The following FAM53B variants were observed in gnomAD, a reference collection of about 807,000 sequenced individuals.
FAM53B encodes family with sequence similarity 53 member B, also known as protein FAM53B.
Under a neutral mutation model 32.7 loss-of-function variants are expected in FAM53B, and 12 were observed. That is an observed-to-expected ratio of 0.37 (90% CI 0.24 to 0.59). The LOEUF (loss-of-function observed/expected upper bound fraction) is 0.59. Ranked by LOEUF, FAM53B falls within the 20% of genes least tolerant of loss-of-function variation. The pLI, the probability that FAM53B is intolerant of heterozygous loss-of-function variation, is 0.72. For synonymous variants in FAM53B, 234 were observed against 228.7 expected (o/e 1.02, Z -0.21); for missense variants, 477 against 577.7 (o/e 0.83, Z 1.79).
In FAM53B at chr10:124,733,313, C is replaced by G. The variant is rs1010973752; in HGVS notation, c.-175+10700G>C. ...CCACACAGTCAACGGGGCCTGGAAT[C>G]TGGGCTGGCATCTGAGGGCGGTGGA... On this transcript the variant is annotated intron_variant, in intron 1 of 4. Transcript: ENST00000337318. This position sits in a 1 kb window ranked among gnomAD's most constrained non-coding sequence, Gnocchi z 4.3. Among the ~76,000 whole-genome samples the G allele has an allele frequency of 6.6e-6, 1 of 152,188 alleles. No homozygotes were observed. The highest frequency in any genetic ancestry group is 1.5e-5 in the Non-Finnish European group (1 of 68,034).
intron 4 of FAM53B, among the ~76,000 whole-genome samples, chr10:124,664,014 G>C (rs917790673): frequency 6.6e-6 from 1 of 152,062 alleles, no homozygotes; most frequent in African/African-American, 2.4e-5. Context: ...CAGGCCCTGC[G>C]GTCAGTGCTG....
chr10:124,737,577 C>T (rs1053848450), intron 1 of FAM53B, among the ~76,000 whole-genome samples: 1 of 152,126 alleles, frequency 6.6e-6, no homozygotes, highest in African/African-American at 2.4e-5. Flanking sequence ...CAACTGGCTA[C>T]GGGACCCTGG....
At chr10:124,625,076 G>A (rs539798637) in intron 4 of FAM53B, among the ~76,000 whole-genome samples, 229 of 152,338 alleles carry the variant, frequency 1.5e-3, no homozygotes, top group African/African-American at 5.3e-3. Flanking sequence ...GACCTGTCCC[G>A]AGGGCCTGAT....
At chr10:124,697,195 T>C (rs925971223) in intron 2 of FAM53B, among the ~76,000 whole-genome samples, 5 of 152,090 alleles carry the variant, frequency 3.3e-5, no homozygotes, top group African/African-American at 1.2e-4. Flanking sequence ...CACGGGCTGG[T>C]GATTCTTCCT....
intron 4 of FAM53B, among the ~76,000 whole-genome samples, chr10:124,636,563 T>C (rs1387939437): frequency 6.6e-6 from 1 of 152,142 alleles, no homozygotes; most frequent in Admixed American, 6.5e-5. Flanking sequence ...TGTTTTGCTG[T>C]ACAGAGGTTC....
At chr10:124,718,681 C>T (rs1444511109) in intron 1 of FAM53B, among the ~76,000 whole-genome samples, 2 of 152,262 alleles carry the variant, frequency 1.3e-5, no homozygotes, top group Non-Finnish European at 1.5e-5. Context: ...GTAACAACAG[C>T]CATCTGTCTA....
At chr10:124,713,609 T>C (rs954907040) in intron 1 of FAM53B, 18 of 152,244 alleles carry the variant, frequency 1.2e-4, no homozygotes, top group African/African-American at 4.3e-4. Flanking sequence ...TCTACAATCC[T>C]ATATAAATCT....
chr10:124,738,683 A>G lies in FAM53B; in HGVS notation c.-175+5330T>C, dbSNP rs186555854. ...GTTCAGTCACACTGGAGGATATACA[A>G]TTGTGTTCAGTTACTTGATTACTTT... On this transcript the variant is annotated intron_variant, in intron 1 of 4. Transcript: ENST00000337318. Among the ~76,000 whole-genome samples the G allele has an allele frequency of 3.9e-3, 587 of 152,196 alleles. 6 individuals carry two copies. Among genetic ancestry groups the G allele is most frequent in the Non-Finnish European group, 6.8e-3 (465 of 67,996 alleles).
rs551082361 is a variant in FAM53B, at chr10:124,670,611, C to T, written c.906+10996G>A. ...CAGCCTCGCCATGCCCTGCACTCAC[C>T]ACACCCACTCCCACCTCTGGGGCTT... is the stretch of plus-strand genomic sequence containing the variant. On this transcript the variant is annotated intron_variant, in intron 4 of 4. Transcript: ENST00000337318. 2.4e-3 allele frequency among the ~76,000 whole-genome samples: 361 copies of T among 152,364 alleles called. 3 individuals are homozygous for T. Among genetic ancestry groups the T allele is most frequent in the African/African-American group, 8.4e-3 (349 of 41,586 alleles).
chr10:124,678,092 G>A (rs1564875313), intron 4 of FAM53B, among the ~76,000 whole-genome samples: 1 of 152,198 alleles, frequency 6.6e-6, no homozygotes, highest in Non-Finnish European at 1.5e-5. Context: ...TGGAAACACA[G>A]GGAAAACACT....
rs556030716 is a variant in FAM53B, at chr10:124,669,631, G to A, written c.906+11976C>T. 4.6e-5 allele frequency among the ~76,000 whole-genome samples: 7 copies of A among 152,318 alleles called. No individual in the cohort carries two copies. In the South Asian group the frequency reaches 1.4e-3, roughly 32 times the overall value. On this transcript the variant is annotated intron_variant, in intron 4 of 4. Coordinates refer to ENST00000337318, the MANE Select transcript of FAM53B (RefSeq NM_014661.4). ...GTCACCATCCCTACCTGACCGTCAG[G>A]GAACCCAAAGCCTAGGGCAAATCCC...
At chr10:124,690,743 A>C (rs1387249962) in intron 3 of FAM53B, among the ~76,000 whole-genome samples, 1 of 152,268 alleles carries the variant, frequency 6.6e-6, no homozygotes, top group Non-Finnish European at 1.5e-5. Flanking sequence ...TTTAAAAATC[A>C]CACATATGAC....
At chr10:124,645,911 C>A (rs1949510051) in intron 4 of FAM53B, among the ~76,000 whole-genome samples, 1 of 152,208 alleles carries the variant, frequency 6.6e-6, no homozygotes, top group East Asian at 1.9e-4. Context: ...CCAGCTCCAC[C>A]CCACACTGCA....
At chr10:124,728,429 T>C (rs1950121502) in intron 1 of FAM53B, among the ~76,000 whole-genome samples, 1 of 152,192 alleles carries the variant, frequency 6.6e-6, no homozygotes, top group Admixed American at 6.5e-5. Context: ...AGAGCTCCCT[T>C]CTGGCCTCGC....
chr10:124,651,253 T>C lies in FAM53B; in HGVS notation c.907-27649A>G, dbSNP rs1949553520. On this transcript the variant is annotated intron_variant, in intron 4 of 4. Coordinates refer to ENST00000337318, the MANE Select transcript of FAM53B (RefSeq NM_014661.4). This position sits in a 1 kb window ranked among gnomAD's most constrained non-coding sequence, Gnocchi z 5.2. Reference sequence around the variant, plus strand: ...TGTTGTGGCCTTGCTGCTAGCCTTTTCCAGGAGCTGAGGCCCCAGGGCCCT... The same window carrying C: ...TGTTGTGGCCTTGCTGCTAGCCTTTCCCAGGAGCTGAGGCCCCAGGGCCCT... Among the ~76,000 whole-genome samples the C allele has an allele frequency of 6.6e-6, 1 of 152,216 alleles. No individual in the cohort carries two copies. Among genetic ancestry groups the C allele is most frequent in the Non-Finnish European group, 1.5e-5 (1 of 68,030 alleles).
At chr10:124,663,407 G>A (rs574491094) in intron 4 of FAM53B, among the ~76,000 whole-genome samples, 1 of 152,324 alleles carries the variant, frequency 6.6e-6, no homozygotes, top group East Asian at 1.9e-4. Flanking sequence ...GCACTGGAGC[G>A]GCTGCCAAGT....
Position 124,682,284 on chromosome 10 carries a change from A to G in FAM53B, c.229T>C (p.Ser77Pro). ...IWECLPEKDS[S>P]LWHREAVTAC... ...GTCACTGCCTCCCGGTGCCATAGTG[A>G]GCTGTCCTTTTCAGGCAGGCATTCC... is the stretch of plus-strand genomic sequence containing the variant. The change falls in exon 4 of 5, where the codon TCA (serine) becomes CCA (proline). Residue 77 changes from serine to proline, a missense_variant. Coordinates refer to ENST00000337318, the MANE Select transcript of FAM53B (RefSeq NM_014661.4). This position sits in a 1 kb window ranked among gnomAD's most constrained non-coding sequence, Gnocchi z 5.2. 6.2e-7 allele frequency: 1 copy of G among 1,613,954 alleles called. No individual in the cohort carries two copies. The highest frequency in any genetic ancestry group is 8.5e-7 in the Non-Finnish European group (1 of 1,179,980).
At chr10:124,631,914 C>A (rs1949393560) in intron 4 of FAM53B, among the ~76,000 whole-genome samples, 1 of 152,230 alleles carries the variant, frequency 6.6e-6, no homozygotes, top group South Asian at 2.1e-4. Flanking sequence ...GTGCAGGGAA[C>A]CCTGACCCCA....
At chr10:124,702,385 T>C (rs1949920339) in intron 2 of FAM53B, among the ~76,000 whole-genome samples, 1 of 152,274 alleles carries the variant, frequency 6.6e-6, no homozygotes, top group Non-Finnish European at 1.5e-5. Flanking sequence ...CTTTGCTGGC[T>C]GTTCAAAGCA....
Sources: gnomAD v4.1 joint callset for allele counts (sites outside exome capture counted in the v4.1 genomes callset) on GRCh38, gnomAD v4.1.1 for gene constraint, Gnocchi (gnomAD v3.1) non-coding constraint, MANE v1.5 for transcripts, NCBI Gene and HGNC (gene_info 2026-07-23, HGNC 2026-07-21) for gene names.